Variants in CFHR2 observed in about 807,000 individuals in gnomAD.
CFHR2 encodes the protein complement factor H-related protein 2.
CFHR2 carries 22 observed loss-of-function variants against 21.7 expected under a neutral mutation model. That is an observed-to-expected ratio of 1.01 (90% CI 0.72 to 1.45). The LOEUF is 1.45. Ranked by LOEUF, CFHR2 falls within the 40% of genes most tolerant of loss-of-function variation. CFHR2 has a pLI of 0.00. For synonymous variants in CFHR2, 98 were observed against 97.4 expected, an observed-to-expected ratio of 1.01 and a Z score of -0.04; for missense variants, 294 against 293.3, an observed-to-expected ratio of 1.00 and a Z score of -0.02.
intron 3 of CFHR2, among the ~76,000 whole-genome samples, chr1:196,952,612 C>T (rs1652655653): frequency 6.6e-6 from 1 of 152,138 alleles, no homozygotes; most frequent in African/African-American, 2.4e-5. Context: ...AGCTGTATCC[C>T]ATACAAGCTG....
intron 3 of CFHR2, 84 bp from the exon 4 acceptor site, chr1:196,957,807 C>T: frequency 8.2e-7 from 1 of 1,220,032 alleles, no homozygotes. Context: ...CCCTGATAGA[C>T]TATAAAGTGC....
chr1:196,952,999 C>G (rs1014440381), intron 3 of CFHR2, among the ~76,000 whole-genome samples: 1 of 152,140 alleles, frequency 6.6e-6, no homozygotes, highest in African/African-American at 2.4e-5. Flanking sequence ...GCGGAACACT[C>G]TATGTCCAAG....
chr1:196,952,072 G>A (rs1156996200), intron 3 of CFHR2, among the ~76,000 whole-genome samples: 2 of 152,146 alleles, frequency 1.3e-5, no homozygotes, highest in African/African-American at 4.8e-5. Context: ...CCTTTCAAAA[G>A]ATGTTATGTT....
intron 3 of CFHR2, among the ~76,000 whole-genome samples, chr1:196,954,097 T>A (rs914772444): frequency 3.9e-5 from 6 of 152,222 alleles, no homozygotes; most frequent in African/African-American, 7.2e-5. Context: ...ATGGGTTTTT[T>A]AAAAAGTCTT....
At chr1:196,954,474 G>GAGTAGCCC in intron 3 of CFHR2, among the ~76,000 whole-genome samples, 1 of 152,328 alleles carries the variant, frequency 6.6e-6, no homozygotes, top group South Asian at 2.1e-4. Flanking sequence ...GTCTGGAGGA[G>GAGTAGCCC]AGTAGCCCCC....
In CFHR2 at chr1:196,954,569, C is replaced by T. The variant is rs1471574764; in HGVS notation, c.431-3322C>T. Among the ~76,000 whole-genome samples, 120 of 152,328 alleles carry T rather than the reference C, an allele frequency of 7.9e-4. 2 individuals carry two copies. In the East Asian group the frequency reaches 0.021, roughly 27 times the overall value. ...ACATTTCCCTTCCACTCTGCCCTAG[C>T]AGAGGTTCTCCATGAACCTGCAGAC... On this transcript the variant is annotated intron_variant, in intron 3 of 4. Coordinates refer to ENST00000367415, the MANE Select transcript of CFHR2 (RefSeq NM_005666.4).
chr1:196,944,659 T>C (rs1311978204), intron 1 of CFHR2, among the ~76,000 whole-genome samples: 2 of 152,012 alleles, frequency 1.3e-5, no homozygotes, highest in East Asian at 3.8e-4. Context: ...AATTAAACTA[T>C]GTCTGTACTT....
chr1:196,950,451 GT>G (rs1281135773), intron 2 of CFHR2, among the ~76,000 whole-genome samples: 54 of 151,614 alleles, frequency 3.6e-4, no homozygotes, highest in Non-Finnish European at 5.3e-4. Flanking sequence ...TTCCTTTTTG[GT>G]TTTTTGTTTG....
chr1:196,950,791 T>A, intron 2 of CFHR2, 61 bp from the exon 3 acceptor site: 2 of 1,571,050 alleles, frequency 1.3e-6, no homozygotes, highest in Non-Finnish European at 1.7e-6. Flanking sequence ...TATTTTAAAA[T>A]GCAGTTGTAC....
At chr1:196,949,318 G>T (rs201526925) in intron 1 of CFHR2, 137 bp from the exon 2 acceptor site, 1 of 772,916 alleles carries the variant, frequency 1.3e-6, no homozygotes, top group South Asian at 1.9e-5. Context: ...TCCTAATTTG[G>T]ACACTGGAGA....
rs747818653 is a variant in CFHR2, at chr1:196,950,808, T to G, written c.254-44T>G. ...TTTTAAAATGCAGTTGTACTTTTTC[T>G]TTGCTACTTCCATCTTGTCTATTAA... On this transcript the variant is annotated intron_variant, in intron 2 of 4. Transcript: ENST00000367415. The G allele has an allele frequency of 5.0e-6, 8 of 1,604,394 alleles. No homozygotes were observed. In the East Asian group the frequency reaches 1.8e-4, roughly 36 times the overall value.
intron 3 of CFHR2, 91 bp downstream of exon 3, chr1:196,951,119 T>C (rs1558269196): frequency 1.4e-6 from 2 of 1,436,848 alleles, no homozygotes; most frequent in Non-Finnish European, 9.5e-7. Context: ...AGGTTAAATA[T>C]AGGTTTTGCC....
intron 3 of CFHR2, among the ~76,000 whole-genome samples, chr1:196,951,960 T>G (rs748055676): frequency 6.6e-6 from 1 of 152,160 alleles, no homozygotes; most frequent in Non-Finnish European, 1.5e-5. Context: ...TGATTTCCAG[T>G]GTTCTTGAAA....
intron 3 of CFHR2, among the ~76,000 whole-genome samples, chr1:196,954,318 G>C (rs1014877094): frequency 6.6e-6 from 1 of 152,226 alleles, no homozygotes; most frequent in African/African-American, 2.4e-5. Flanking sequence ...ACTGATGCAA[G>C]GGGTAGGCTT....
rs12727781 is a variant in CFHR2 at position 196,958,658 on chromosome 1, A to G, written c.614-223A>G. On this transcript the variant is annotated intron_variant, in intron 4 of 4. Coordinates refer to ENST00000367415, the MANE Select transcript of CFHR2 (RefSeq NM_005666.4). ...ATGACAATTGATGTTATGAATCTTC[A>G]GTGATAACATCTAATTATCATCCAT... Among the ~76,000 whole-genome samples, 56,104 of 151,814 alleles carry G rather than the reference A, an allele frequency of 0.37. 11,969 individuals are homozygous for G. The highest frequency in any genetic ancestry group is 0.59 in the African/African-American group (24,339 of 41,392).
intron 1 of CFHR2, among the ~76,000 whole-genome samples, chr1:196,947,768 C>A (rs547692375): frequency 1.3e-5 from 2 of 152,246 alleles, no homozygotes; most frequent in South Asian, 2.1e-4. Flanking sequence ...ATATGAGGAA[C>A]TATCTTGAGC....
chr1:196,951,135 C>A, intron 3 of CFHR2, 107 bp downstream of exon 3: 2 of 1,282,486 alleles, frequency 1.6e-6, no homozygotes, highest in Non-Finnish European at 2.1e-6. Context: ...TTGCCACATA[C>A]TTCTATCATT....
At chr1:196,953,069 C>T (rs951658074) in intron 3 of CFHR2, among the ~76,000 whole-genome samples, 3 of 152,116 alleles carry the variant, frequency 2.0e-5, no homozygotes, top group Admixed American at 6.5e-5. Context: ...CAACTAGACT[C>T]CTAATGATAG....
intron 1 of CFHR2, among the ~76,000 whole-genome samples, chr1:196,948,215 C>A (rs958319278): frequency 2.0e-5 from 3 of 152,070 alleles, no homozygotes; most frequent in Non-Finnish European, 4.4e-5. Flanking sequence ...GTCTCTAAGA[C>A]AGAATGATGT....
Sources: allele counts gnomAD v4.1 joint callset (sites outside exome capture counted in the v4.1 genomes callset), GRCh38; gene constraint gnomAD v4.1.1; transcripts MANE v1.5; gene names NCBI Gene and HGNC (gene_info 2026-07-23, HGNC 2026-07-21).